The following PLCB1 variants were observed in gnomAD, a reference collection of about 807,000 sequenced individuals.
PLCB1 encodes the protein phospholipase C beta 1.
A neutral mutation model predicts 161.8 loss-of-function variants in PLCB1; 46 were observed. The observed-to-expected ratio is 0.28, with a 90% CI of 0.22 to 0.36. The LOEUF is 0.36. PLCB1 is among the 10% of genes least tolerant of loss of function. PLCB1 has a pLI of 1.00. For missense variants in PLCB1, 1,016 were observed against 1,472.5 expected, an observed-to-expected ratio of 0.69 and a Z score of 5.07; for synonymous variants, 517 against 503.7, an observed-to-expected ratio of 1.03 and a Z score of -0.35.
At chr20:8,812,805 T>C (rs1050449207) in intron 31 of PLCB1, among the ~76,000 whole-genome samples, 2 of 152,114 alleles carry the variant, frequency 1.3e-5, no homozygotes, top group Non-Finnish European at 2.9e-5. Flanking sequence ...GTAAAACCAA[T>C]CCTATGGGGA....
chr20:8,534,786 G>T (rs1217295366), intron 3 of PLCB1, among the ~76,000 whole-genome samples: 1 of 152,062 alleles, frequency 6.6e-6, no homozygotes, highest in Admixed American at 6.6e-5. Context: ...TGATGGACAG[G>T]GAAAAAGTGG....
chr20:8,174,573 A>T (rs1043970895), intron 2 of PLCB1, among the ~76,000 whole-genome samples: 1 of 152,200 alleles, frequency 6.6e-6, no homozygotes, highest in Non-Finnish European at 1.5e-5. Context: ...AGACCATCCT[A>T]TGCCTCAACA....
intron 2 of PLCB1, among the ~76,000 whole-genome samples, chr20:8,191,219 T>G (rs2051966830): frequency 6.6e-6 from 1 of 152,006 alleles, no homozygotes; most frequent in Non-Finnish European, 1.5e-5. Context: ...GGGCATACAA[T>G]GCGTAATGAT....
At position 8,722,415 on chromosome 20, in the gene PLCB1, G is replaced by A; in HGVS notation, c.1575G>A (p.Met525Ile). 6.2e-7 allele frequency: 1 copy of A among 1,609,422 alleles called. No individual in the cohort carries two copies. The highest frequency in any genetic ancestry group is 8.5e-7 in the Non-Finnish European group (1 of 1,177,804). Residue 525 changes from methionine (M) to isoleucine (I), a missense_variant, in exon 15 of 32, where the codon ATG becomes ATA. Met to Ile is a conservative substitution (Grantham distance 10). This residue lies in a region of PLCB1 where 109 missense variants were observed against 129.7 expected (regional missense o/e 0.84). Transcript: ENST00000338037. The part of the protein sequence containing the change: ...DDDDDCKKSS[M>I]DEGTAGSEAM... Reference sequence around the variant, plus strand: ...ATGATGACTGTAAAAAATCTTCAATGGATGAGGTGGGTACTTAGGGCTTCT... The same window carrying A: ...ATGATGACTGTAAAAAATCTTCAATAGATGAGGTGGGTACTTAGGGCTTCT...
chr20:8,384,265 G>A (rs937864784), intron 3 of PLCB1, among the ~76,000 whole-genome samples: 3 of 151,616 alleles, frequency 2.0e-5, no homozygotes, highest in African/African-American at 7.3e-5. Flanking sequence ...CCTTATTTCA[G>A]CAAGGTGGTC....
intron 31 of PLCB1, among the ~76,000 whole-genome samples, chr20:8,797,506 A>T (rs1240578052): frequency 6.6e-6 from 1 of 152,042 alleles, no homozygotes; most frequent in Non-Finnish European, 1.5e-5. Context: ...GTCTTTCTTT[A>T]CTGCTCTGTG....
chr20:8,174,130 A>G (rs1460997692), intron 2 of PLCB1, among the ~76,000 whole-genome samples: 2 of 152,134 alleles, frequency 1.3e-5, no homozygotes, highest in Non-Finnish European at 2.9e-5. Context: ...AACACAACCT[A>G]AGAATCTGAG....
At chr20:8,380,871 A>G (rs1987231887) in intron 3 of PLCB1, among the ~76,000 whole-genome samples, 1 of 152,182 alleles carries the variant, frequency 6.6e-6, no homozygotes, top group African/African-American at 2.4e-5. Flanking sequence ...TTCTAAATAT[A>G]GAATCATGTT....
At chr20:8,880,686 T>A (rs1051993560) in intron 31 of PLCB1, among the ~76,000 whole-genome samples, 1 of 152,122 alleles carries the variant, frequency 6.6e-6, no homozygotes, top group Admixed American at 6.6e-5. Context: ...CACTGCTCTG[T>A]CTATTCTACT....
chr20:8,606,046 G>T (rs1450903854), intron 3 of PLCB1, among the ~76,000 whole-genome samples: 2 of 152,048 alleles, frequency 1.3e-5, no homozygotes, highest in Non-Finnish European at 2.9e-5. Flanking sequence ...TCTTTATTCA[G>T]TTATCCATTG....
chr20:8,358,303 C>T (rs577987389), intron 2 of PLCB1, among the ~76,000 whole-genome samples: 3 of 152,292 alleles, frequency 2.0e-5, no homozygotes, highest in African/African-American at 7.2e-5. Flanking sequence ...GGCTGGAGTG[C>T]AATGGCATGA....
chr20:8,357,959 A>T (rs1986415719), intron 2 of PLCB1, among the ~76,000 whole-genome samples: 2 of 152,210 alleles, frequency 1.3e-5, no homozygotes, highest in Admixed American at 6.5e-5. Flanking sequence ...ACTCAAGGTC[A>T]AGTGCACCAC....
At chr20:8,333,981 G>T (rs979241153) in intron 2 of PLCB1, among the ~76,000 whole-genome samples, 1 of 152,144 alleles carries the variant, frequency 6.6e-6, no homozygotes, top group Non-Finnish European at 1.5e-5. Flanking sequence ...AAGCGGAGGC[G>T]GACGGATCAC....
intron 1 of PLCB1, among the ~76,000 whole-genome samples, chr20:8,136,527 G>C (rs981350786): frequency 4.6e-5 from 7 of 151,820 alleles, no homozygotes; most frequent in Non-Finnish European, 1.0e-4. Flanking sequence ...TCGGGAGGCT[G>C]AGGCAGGAGA....
intron 9 of PLCB1, among the ~76,000 whole-genome samples, chr20:8,670,052 T>A (rs1329912204): frequency 6.6e-6 from 1 of 152,162 alleles, no homozygotes; most frequent in Non-Finnish European, 1.5e-5. Context: ...GGCAATGGAA[T>A]TGGTTTCCTA....
chr20:8,652,151 T>A lies in PLCB1; in HGVS notation c.594+2702T>A, dbSNP rs1989338797. On this transcript the variant is annotated intron_variant, in intron 7 of 31. Transcript: ENST00000338037. The stretch of plus-strand genomic sequence containing the variant: ...ATTGAGTAATCTACTATGTTTATTA[T>A]ATGTTCAAACTTTCAGACCAATGTC... The A allele has an allele frequency of 2.0e-5, 3 of 152,152 alleles. No homozygotes were observed. In the South Asian group the frequency reaches 6.2e-4, roughly 31 times the overall value. 9.4% of individuals were successfully genotyped at this position (152,152 alleles called of 1,614,324 possible).
chr20:8,538,395 G>A (rs1242925728), intron 3 of PLCB1, among the ~76,000 whole-genome samples: 1 of 152,128 alleles, frequency 6.6e-6, no homozygotes, highest in African/African-American at 2.4e-5. Context: ...TGCCCAGGCT[G>A]GAGTGCAGTG....
chr20:8,157,732 T>C (rs533543518), intron 2 of PLCB1, among the ~76,000 whole-genome samples: 5 of 152,348 alleles, frequency 3.3e-5, no homozygotes, highest in African/African-American at 1.2e-4. Flanking sequence ...TGGTAGAATT[T>C]CTAATTGAAG....
chr20:8,194,048 A>G (rs1482444472), intron 2 of PLCB1, among the ~76,000 whole-genome samples: 1 of 151,986 alleles, frequency 6.6e-6, no homozygotes, highest in African/African-American at 2.4e-5. Flanking sequence ...CCCGGGTGAT[A>G]CTATGGTGCC....
Sources: allele counts gnomAD v4.1 joint callset (sites outside exome capture counted in the v4.1 genomes callset), GRCh38; gene constraint gnomAD v4.1.1; regional missense constraint gnomAD v4.1.1; transcripts MANE v1.5; gene names NCBI Gene and HGNC (gene_info 2026-07-23, HGNC 2026-07-21).